Variants in PTPN13 observed in about 807,000 individuals in gnomAD.
The protein encoded by PTPN13 is protein tyrosine phosphatase non-receptor type 13, also known as tyrosine-protein phosphatase non-receptor type 13.
PTPN13 carries 191 observed loss-of-function variants against 284.0 expected under a neutral mutation model. The ratio of observed to expected loss-of-function variants is 0.67; its 90% CI spans 0.60 to 0.76. PTPN13 has a LOEUF of 0.76. Among genes scored for constraint, PTPN13 ranks in the 30% least tolerant of loss-of-function variants. The pLI, the probability that PTPN13 is intolerant of heterozygous loss-of-function variation, is 0.00. For missense variants in PTPN13, 2,797 were observed against 2,939.9 expected (o/e 0.95, Z 1.12); for synonymous variants, 986 against 1,022.3 (o/e 0.96, Z 0.68).
rs139567623 is a variant in PTPN13, at chr4:86,784,409, G to A, written c.6025-56G>A. On this transcript the variant is annotated intron_variant, in intron 37 of 47. Transcript: ENST00000411767. Reference sequence around the variant, plus strand: ...GGAGAGAGACAATGTGCAGTCCCCCGATCCTGGAAGTTAGTAAAATACTAT... The same window carrying A: ...GGAGAGAGACAATGTGCAGTCCCCCAATCCTGGAAGTTAGTAAAATACTAT... The A allele has an allele frequency of 4.0e-5, 49 of 1,212,116 alleles. 2 individuals are homozygous for A. The East Asian group carries it at 4.2e-4, about 10-fold the overall frequency. 75.1% of individuals were successfully genotyped at this position (1,212,116 alleles called of 1,614,324 possible).
intron 1 of PTPN13, among the ~76,000 whole-genome samples, chr4:86,629,648 C>A (rs28534599): frequency 0.21 from 32,489 of 152,012 alleles, 3,674 homozygotes; most frequent in East Asian, 0.29. Context: ...CTGAAGTCAC[C>A]ATAATTTTCT....
chr4:86,790,807 T>C (rs1454222642), intron 40 of PTPN13, among the ~76,000 whole-genome samples: 1 of 152,054 alleles, frequency 6.6e-6, no homozygotes, highest in African/African-American at 2.4e-5. Flanking sequence ...TTAAGAAAAT[T>C]TGTCCTGATA....
intron 1 of PTPN13, among the ~76,000 whole-genome samples, chr4:86,597,318 G>T (rs1376120247): frequency 6.6e-6 from 1 of 152,116 alleles, no homozygotes; most frequent in Admixed American, 6.5e-5. Context: ...GCTCACTGCT[G>T]CCTCAACTTA....
chr4:86,638,348 CA>C (rs1325935043), intron 2 of PTPN13, among the ~76,000 whole-genome samples: 1 of 152,000 alleles, frequency 6.6e-6, no homozygotes, highest in African/African-American at 2.4e-5. Context: ...CATATGGAAC[CA>C]AAAAAGAGCC....
At chr4:86,756,933 A>G (rs575341492) in intron 20 of PTPN13, among the ~76,000 whole-genome samples, 1 of 152,296 alleles carries the variant, frequency 6.6e-6, no homozygotes, top group South Asian at 2.1e-4. Context: ...AAGCTTCAAT[A>G]TAGTTGAGAA....
chr4:86,785,865 G>A lies in PTPN13; in HGVS notation c.6274G>A (p.Gly2092Arg). Residue 2092 changes from glycine to arginine, a missense_variant, in exon 40 of 48, where the codon GGG becomes AGG. Transcript: ENST00000411767. ...SCGPGTLKMNGKLSEERTEDT... is the reference protein window; with the variant it reads ...SCGPGTLKMNRKLSEERTEDT... ...TCTCTCAGGTACATTAAAGATGAAT[G>A]GGAAGTTATCAGAAGAGAGAACAGA... The A allele has an allele frequency of 6.4e-7, 1 of 1,562,252 alleles. No homozygotes were observed. The highest frequency in any genetic ancestry group is 8.7e-7 in the Non-Finnish European group (1 of 1,150,390).
intron 1 of PTPN13, among the ~76,000 whole-genome samples, chr4:86,606,730 AATAAC>A (rs1764782809): frequency 6.6e-6 from 1 of 151,828 alleles, no homozygotes; most frequent in Admixed American, 6.6e-5. Context: ...TAATTCTTGA[AATAAC>A]ATAATGAAAC....
intron 23 of PTPN13, among the ~76,000 whole-genome samples, 197 bp downstream of exon 23, chr4:86,759,270 A>G (rs993227534): frequency 9.9e-5 from 15 of 152,198 alleles, no homozygotes; most frequent in Non-Finnish European, 1.5e-4. Context: ...TTAATATTAC[A>G]TAATAGTTAT....
chr4:86,639,777 T>C (rs1035261406), intron 2 of PTPN13, among the ~76,000 whole-genome samples: 5 of 151,874 alleles, frequency 3.3e-5, no homozygotes, highest in Non-Finnish European at 1.5e-5. Context: ...CTTGTATACA[T>C]ATGTAACTAA....
At chr4:86,661,197 A>G (rs1482622058) in intron 2 of PTPN13, 1 of 389,342 alleles carries the variant, frequency 2.6e-6, no homozygotes, top group East Asian at 9.5e-5. Flanking sequence ...CACACAGATA[A>G]TATTTGCCTG....
At chr4:86,797,681 T>C (rs1204615565) in intron 41 of PTPN13, among the ~76,000 whole-genome samples, 7 of 152,132 alleles carry the variant, frequency 4.6e-5, no homozygotes, top group Admixed American at 1.3e-4. Context: ...TCTTCACCTA[T>C]TGGGTTATGG....
chr4:86,632,052 A>ATCCTTCCTTCCT (rs148756344), intron 1 of PTPN13, among the ~76,000 whole-genome samples: 6 of 151,828 alleles, frequency 4.0e-5, no homozygotes, highest in African/African-American at 9.7e-5. Context: ...TTGTCCTTCC[A>ATCCTTCCTTCCT]TCCTTCCTTA....
intron 2 of PTPN13, among the ~76,000 whole-genome samples, chr4:86,638,304 T>C (rs1723293785): frequency 6.6e-6 from 1 of 152,222 alleles, no homozygotes; most frequent in Non-Finnish European, 1.5e-5. Context: ...CCAATGACTT[T>C]CTTCCCAGAA....
chr4:86,784,507 A>G lies in PTPN13; in HGVS notation c.6067A>G (p.Lys2023Glu). Reference protein sequence around the residue: ...EINEISYPKGKCSTYQIKGSP... With the variant: ...EINEISYPKGECSTYQIKGSP... ...AAATGAAATATCGTACCCCAAAGGA[A>G]AATGTTCTACTTATCAGATAAAGGG... Residue 2023 changes from lysine (K) to glutamate (E), a missense_variant, in exon 38 of 48, where the codon AAA becomes GAA. Transcript: ENST00000411767. The G allele has an allele frequency of 3.1e-6, 5 of 1,608,108 alleles. No individual in the cohort carries two copies. The highest frequency in any genetic ancestry group is 4.2e-6 in the Non-Finnish European group (5 of 1,178,068).
At chr4:86,614,849 TA>T (rs1720361183) in intron 1 of PTPN13, among the ~76,000 whole-genome samples, 1 of 152,234 alleles carries the variant, frequency 6.6e-6, no homozygotes, top group South Asian at 2.1e-4. Flanking sequence ...ACCTCAGACC[TA>T]AAAATTATAC....
In PTPN13 at chr4:86,769,895, G is replaced by C. The variant is rs1739784773; in HGVS notation, c.4616G>C (p.Gly1539Ala). 1.2e-6 allele frequency: 2 copies of C among 1,613,792 alleles called. No homozygotes were observed. Among genetic ancestry groups the C allele is most frequent in the African/African-American group, 2.7e-5 (2 of 74,884 alleles). ...GTAAGGGTTAAAAAGCTCTTTCCTG[G>C]ACAGCCAGCAGCAGAAAGTGGAAAA... ...SIVRVKKLFP[G>A]QPAAESGKID... Residue 1539 changes from glycine to alanine, a missense_variant, in exon 29 of 48, where the codon GGA (glycine) becomes GCA (alanine). Physicochemically the swap from Gly to Ala is moderately conservative, Grantham distance 60. Coordinates refer to ENST00000411767, the MANE Select transcript of PTPN13 (RefSeq NM_080683.3).
intron 2 of PTPN13, among the ~76,000 whole-genome samples, chr4:86,670,020 T>C (rs1279181854): frequency 6.6e-6 from 1 of 151,246 alleles, no homozygotes; most frequent in Non-Finnish European, 1.5e-5. Flanking sequence ...GCGAAAGAAG[T>C]GTTAGAGGGA....
intron 5 of PTPN13, among the ~76,000 whole-genome samples, chr4:86,692,283 T>C (rs1228796472): frequency 6.6e-6 from 1 of 152,196 alleles, no homozygotes; most frequent in Non-Finnish European, 1.5e-5. Flanking sequence ...GACAGTACAG[T>C]GTAATCTGGA....
chr4:86,693,444 C>A, intron 5 of PTPN13, 143 bp from the exon 6 acceptor site: 1 of 481,374 alleles, frequency 2.1e-6, no homozygotes, highest in Non-Finnish European at 3.7e-6. Context: ...AATTACCCTA[C>A]AAATACAATA....
Sources: allele counts gnomAD v4.1 joint callset (sites outside exome capture counted in the v4.1 genomes callset), GRCh38; gene constraint gnomAD v4.1.1; transcripts MANE v1.5; gene names NCBI Gene and HGNC (gene_info 2026-07-23, HGNC 2026-07-21).